Variants in DCC observed in about 807,000 individuals in gnomAD.
DCC encodes the protein DCC netrin 1 receptor, also known as netrin receptor DCC.
DCC carries 58 observed loss-of-function variants against 172.5 expected under a neutral mutation model. That is an observed-to-expected ratio of 0.34 (90% CI 0.27 to 0.42). The LOEUF (loss-of-function observed/expected upper bound fraction) is 0.42. Among genes scored for constraint, DCC ranks in the 10% least tolerant of loss-of-function variants. The pLI, the probability that DCC is intolerant of heterozygous loss-of-function variation, is 1.00. For synonymous variants in DCC, 709 were observed against 644.5 expected (o/e 1.10, Z -1.52); for missense variants, 1,740 against 1,791.0 (o/e 0.97, Z 0.51).
In DCC at chr18:53,261,672, C is replaced by T. The variant is rs544749677; in HGVS notation, c.1912-43906C>T. Among the ~76,000 whole-genome samples the T allele has an allele frequency of 1.2e-3, 186 of 152,232 alleles. 1 individual carries two copies. In the Middle Eastern group the frequency reaches 0.024, roughly 19 times the overall value. On this transcript the variant is annotated intron_variant, in intron 12 of 28. Coordinates refer to ENST00000442544, the MANE Select transcript of DCC (RefSeq NM_005215.4). Reference sequence around the variant, plus strand: ...GACTACAGGTGCCTGCCATCATACCCGGCTAATTTTTTGTATTTTTAGTAG... The same window carrying T: ...GACTACAGGTGCCTGCCATCATACCTGGCTAATTTTTTGTATTTTTAGTAG...
chr18:52,798,774 T>C (rs985671766), intron 2 of DCC, among the ~76,000 whole-genome samples: 1 of 150,086 alleles, frequency 6.7e-6, no homozygotes, highest in African/African-American at 2.5e-5. Flanking sequence ...TTTTTTAAGG[T>C]GGAGTTTTAC....
At position 53,171,539 on chromosome 18, in the gene DCC, A is replaced by T. The variant is rs370907538; in HGVS notation, c.1419-7423A>T. Among the ~76,000 whole-genome samples, 18 of 152,336 alleles carry T rather than the reference A, an allele frequency of 1.2e-4. No individual in the cohort carries two copies. The South Asian group carries it at 2.9e-3, about 25-fold the overall frequency. On this transcript the variant is annotated intron_variant, in intron 8 of 28. Coordinates refer to ENST00000442544, the MANE Select transcript of DCC (RefSeq NM_005215.4). ...TTTATACATAAATTTTTTATGAATT[A>T]TTAATTTTGGATAATTTTTGGAGGC...
chr18:53,254,930 T>G (rs1482886402), intron 12 of DCC, among the ~76,000 whole-genome samples: 1 of 152,062 alleles, frequency 6.6e-6, no homozygotes, highest in Admixed American at 6.6e-5. Flanking sequence ...GGACTACATA[T>G]AGGACAGGCA....
At chr18:52,620,728 G>T (rs570900999) in intron 1 of DCC, among the ~76,000 whole-genome samples, 2 of 152,096 alleles carry the variant, frequency 1.3e-5, no homozygotes, top group Admixed American at 1.3e-4. Flanking sequence ...TTAAGTAGAC[G>T]ATGTCGGAGG....
At chr18:52,746,714 T>C (rs907829134) in intron 1 of DCC, among the ~76,000 whole-genome samples, 1 of 152,144 alleles carries the variant, frequency 6.6e-6, no homozygotes, top group African/African-American at 2.4e-5. Context: ...TCTCTATGTA[T>C]AGATAATTAA....
At chr18:53,198,750 T>C (rs947121036) in intron 9 of DCC, among the ~76,000 whole-genome samples, 28 of 152,324 alleles carry the variant, frequency 1.8e-4, no homozygotes, top group African/African-American at 6.0e-4. Context: ...TAATGAAATA[T>C]TGAAATTTAA....
intron 20 of DCC, 115 bp from the exon 21 acceptor site, chr18:53,416,009 A>G: frequency 1.3e-6 from 1 of 753,652 alleles, no homozygotes. Flanking sequence ...TTTTATTTCA[A>G]GAGGGCACTA....
intron 9 of DCC, among the ~76,000 whole-genome samples, chr18:53,204,961 A>G (rs2055601860): frequency 6.6e-6 from 1 of 152,028 alleles, no homozygotes; most frequent in Non-Finnish European, 1.5e-5. Context: ...AGTCACTTGT[A>G]CTCCTTTACC....
intron 22 of DCC, among the ~76,000 whole-genome samples, 153 bp from the exon 23 acceptor site, chr18:53,450,347 C>CTCA (rs1453100837): frequency 6.6e-6 from 1 of 152,008 alleles, no homozygotes; most frequent in Non-Finnish European, 1.5e-5. Context: ...GGTGTTTCCT[C>CTCA]TCATTTTTTC....
intron 21 of DCC, among the ~76,000 whole-genome samples, chr18:53,417,589 A>G (rs758813766): frequency 2.2e-4 from 33 of 152,128 alleles, no homozygotes; most frequent in Non-Finnish European, 3.4e-4. Context: ...AATTGAAACA[A>G]CCTCTCATAA....
At chr18:52,493,086 A>T (rs1006864681) in intron 1 of DCC, among the ~76,000 whole-genome samples, 6 of 152,100 alleles carry the variant, frequency 3.9e-5, no homozygotes, top group Non-Finnish European at 5.9e-5. Flanking sequence ...AGATAAACCA[A>T]ACCATAGGGA....
At chr18:52,456,079 A>G (rs1042205071) in intron 1 of DCC, among the ~76,000 whole-genome samples, 1 of 152,210 alleles carries the variant, frequency 6.6e-6, no homozygotes, top group Non-Finnish European at 1.5e-5. Context: ...GTATCAAGGT[A>G]TGAAAGACAA....
chr18:52,884,915 A>C (rs1290799478), intron 2 of DCC, among the ~76,000 whole-genome samples: 1 of 152,110 alleles, frequency 6.6e-6, no homozygotes, highest in Non-Finnish European at 1.5e-5. Flanking sequence ...AGACTCATAG[A>C]GGTACCACTA....
At chr18:52,966,066 C>G (rs191147020) in intron 5 of DCC, among the ~76,000 whole-genome samples, 14 of 152,246 alleles carry the variant, frequency 9.2e-5, no homozygotes, top group African/African-American at 3.4e-4. Context: ...TTGAAAATAC[C>G]TGAGATAGAC....
At chr18:52,643,649 G>T in intron 1 of DCC, among the ~76,000 whole-genome samples, 1 of 152,188 alleles carries the variant, frequency 6.6e-6, no homozygotes, top group East Asian at 1.9e-4. Flanking sequence ...GAAAGGACCA[G>T]TCTGTGCCAT....
chr18:53,422,159 C>G (rs1910673522), intron 21 of DCC, among the ~76,000 whole-genome samples: 1 of 152,156 alleles, frequency 6.6e-6, no homozygotes, highest in South Asian at 2.1e-4. Context: ...GGTCATGATT[C>G]TAAGATTCCA....
chr18:53,168,893 A>G (rs1467415789), intron 8 of DCC, among the ~76,000 whole-genome samples: 1 of 152,090 alleles, frequency 6.6e-6, no homozygotes, highest in Non-Finnish European at 1.5e-5. Context: ...TTAATCTAGA[A>G]TGGCAGCTAG....
At chr18:53,001,487 C>T (rs2041563811) in intron 5 of DCC, among the ~76,000 whole-genome samples, 1 of 152,064 alleles carries the variant, frequency 6.6e-6, no homozygotes, top group African/African-American at 2.4e-5. Context: ...CCAGATTTTC[C>T]ATGATTGAGT....
chr18:52,925,571 C>A (rs368679788), intron 5 of DCC, among the ~76,000 whole-genome samples: 1 of 152,000 alleles, frequency 6.6e-6, no homozygotes, highest in Admixed American at 6.6e-5. Context: ...TAATTAAAAT[C>A]CAGATATATT....
Sources: allele counts gnomAD v4.1 joint callset (sites outside exome capture counted in the v4.1 genomes callset), GRCh38; gene constraint gnomAD v4.1.1; transcripts MANE v1.5; gene names NCBI Gene and HGNC (gene_info 2026-07-23, HGNC 2026-07-21).